The following EBF2 variants were observed in gnomAD, a reference collection of about 807,000 sequenced individuals.
The protein encoded by EBF2 is transcription factor COE2.
EBF2 carries 21 observed loss-of-function variants against 72.8 expected under a neutral mutation model. The ratio of observed to expected loss-of-function variants is 0.29; its 90% CI spans 0.20 to 0.42. The LOEUF is 0.42. Among genes scored for constraint, EBF2 ranks in the 10% least tolerant of loss-of-function variants. The pLI is 1.00. For synonymous variants in EBF2, 299 were observed against 274.2 expected (o/e 1.09, Z -0.89); for missense variants, 637 against 731.2 (o/e 0.87, Z 1.49).
intron 6 of EBF2, among the ~76,000 whole-genome samples, chr8:25,954,419 C>G (rs548901133): frequency 6.6e-6 from 1 of 152,226 alleles, no homozygotes; most frequent in Non-Finnish European, 1.5e-5. Context: ...CCCATTCCTA[C>G]TTCGTTGGGT....
At chr8:26,018,029 T>C (rs1254223416) in intron 6 of EBF2, among the ~76,000 whole-genome samples, 1 of 151,780 alleles carries the variant, frequency 6.6e-6, no homozygotes, top group Non-Finnish European at 1.5e-5. Context: ...TCTTTGGTAC[T>C]TCATAGAAGG....
intron 6 of EBF2, among the ~76,000 whole-genome samples, chr8:25,950,568 T>C (rs571483567): frequency 6.6e-5 from 10 of 152,348 alleles, no homozygotes; most frequent in African/African-American, 1.4e-4. Flanking sequence ...AAGGGAACCA[T>C]TGCTGCACCT....
At chr8:25,988,179 C>G (rs1004336029) in intron 6 of EBF2, among the ~76,000 whole-genome samples, 1 of 152,122 alleles carries the variant, frequency 6.6e-6, no homozygotes, top group Non-Finnish European at 1.5e-5. Flanking sequence ...TACTCCCACC[C>G]TGGGGCTCTT....
At chr8:25,844,727 A>ATGAT in intron 15 of EBF2, 87 bp from the exon 16 acceptor site, 1 of 1,516,510 alleles carries the variant, frequency 6.6e-7, no homozygotes, top group East Asian at 2.3e-5. Flanking sequence ...GGGGATGGGA[A>ATGAT]TGATAGAGTC....
At chr8:25,851,383 CTGACATAA>C (rs1202638184) in intron 14 of EBF2, among the ~76,000 whole-genome samples, 1 of 129,160 alleles carries the variant, frequency 7.7e-6, no homozygotes, top group African/African-American at 3.3e-5. Context: ...TCGGCCTCCC[CTGACATAA>C]TGTTTAGAAA....
At chr8:26,034,513 C>G (rs1366300160) in intron 5 of EBF2, among the ~76,000 whole-genome samples, 2 of 152,150 alleles carry the variant, frequency 1.3e-5, no homozygotes, top group Non-Finnish European at 2.9e-5. Context: ...GCAAAACACT[C>G]CAGTCCAAAG....
intron 7 of EBF2, among the ~76,000 whole-genome samples, chr8:25,900,246 A>G (rs774268788): frequency 1.3e-5 from 2 of 152,208 alleles, no homozygotes; most frequent in Non-Finnish European, 2.9e-5. Context: ...ACTTGAGCCC[A>G]GGGGTTCGAG....
In EBF2 at chr8:25,908,346, A is replaced by T. The variant is rs1270667083; in HGVS notation, c.633+128T>A. On this transcript the variant is annotated intron_variant, in intron 7 of 15. Coordinates refer to ENST00000520164, the MANE Select transcript of EBF2 (RefSeq NM_022659.4). Reference sequence around the variant, plus strand: ...TAGTGGCTGAGGGTCATCGTTTACCATTGTCTTTTTTATTGTTAGGAGTAG... The same window carrying T: ...TAGTGGCTGAGGGTCATCGTTTACCTTTGTCTTTTTTATTGTTAGGAGTAG... 7.2e-6 allele frequency: 5 copies of T among 693,924 alleles called. No individual in the cohort carries two copies. In the African/African-American group the frequency reaches 9.0e-5, roughly 13 times the overall value. 43.0% of individuals were successfully genotyped at this position (693,924 alleles called of 1,614,324 possible). A position where few individuals can be genotyped will look rare whatever the true frequency, so the allele number is the denominator to read the frequency against.
intron 6 of EBF2, among the ~76,000 whole-genome samples, chr8:26,005,956 C>T (rs893414860): frequency 7.9e-5 from 12 of 152,042 alleles, no homozygotes; most frequent in African/African-American, 1.7e-4. Flanking sequence ...TCAGGGCCTC[C>T]ATGCAGCATG....
At chr8:25,896,234 G>T (rs1256642767) in intron 7 of EBF2, among the ~76,000 whole-genome samples, 1 of 152,172 alleles carries the variant, frequency 6.6e-6, no homozygotes, top group African/African-American at 2.4e-5. Flanking sequence ...AAACCTCCCC[G>T]TATGGGCCAG....
intron 6 of EBF2, among the ~76,000 whole-genome samples, chr8:25,988,197 T>C (rs1054077982): frequency 6.6e-6 from 1 of 152,098 alleles, no homozygotes; most frequent in African/African-American, 2.4e-5. Context: ...CTTCACACAG[T>C]TCTGAGAGCC....
At chr8:25,890,699 C>G (rs770853487) in intron 7 of EBF2, among the ~76,000 whole-genome samples, 4 of 152,192 alleles carry the variant, frequency 2.6e-5, no homozygotes, top group Non-Finnish European at 4.4e-5. Context: ...CCAAAATTCT[C>G]CAAAATCTAA....
At chr8:25,849,059 C>CA (rs1463874352) in intron 15 of EBF2, among the ~76,000 whole-genome samples, 2 of 152,214 alleles carry the variant, frequency 1.3e-5, no homozygotes, top group Non-Finnish European at 2.9e-5. Flanking sequence ...CACTTAGCTA[C>CA]AGGCTCAGCC....
At chr8:25,855,501 C>A (rs1466335027) in intron 14 of EBF2, among the ~76,000 whole-genome samples, 1 of 152,218 alleles carries the variant, frequency 6.6e-6, no homozygotes, top group East Asian at 1.9e-4. Flanking sequence ...TCAAACTTGA[C>A]TAAGAAGCTT....
At chr8:26,015,431 AC>A (rs1331177911) in intron 6 of EBF2, among the ~76,000 whole-genome samples, 6 of 152,276 alleles carry the variant, frequency 3.9e-5, no homozygotes, top group Admixed American at 3.9e-4. Context: ...CCCCCACATT[AC>A]TACCACAGTG....
intron 6 of EBF2, among the ~76,000 whole-genome samples, chr8:25,971,860 G>C (rs1471248120): frequency 6.6e-6 from 1 of 152,232 alleles, no homozygotes; most frequent in Non-Finnish European, 1.5e-5. Context: ...GTCTAGGGAG[G>C]CTGGTGGGAG....
At chr8:26,000,976 C>A (rs1376174369) in intron 6 of EBF2, among the ~76,000 whole-genome samples, 1 of 152,164 alleles carries the variant, frequency 6.6e-6, no homozygotes, top group Non-Finnish European at 1.5e-5. Context: ...AAAAATCAAA[C>A]CTACCTCAAC....
chr8:25,920,008 G>C (rs1803282176), intron 6 of EBF2, among the ~76,000 whole-genome samples: 2 of 151,976 alleles, frequency 1.3e-5, no homozygotes, highest in Admixed American at 6.6e-5. Flanking sequence ...CATCTAAAGA[G>C]ATTAAATGGT....
intron 6 of EBF2, among the ~76,000 whole-genome samples, chr8:25,996,210 GC>G (rs1804628216): frequency 6.6e-6 from 1 of 151,542 alleles, no homozygotes; most frequent in South Asian, 2.1e-4. Context: ...TGGGAGGATG[GC>G]TTGAGCCCAG....
Sources: gnomAD v4.1 joint callset for allele counts (sites outside exome capture counted in the v4.1 genomes callset) on GRCh38, gnomAD v4.1.1 for gene constraint, MANE v1.5 for transcripts, NCBI Gene and HGNC (gene_info 2026-07-23, HGNC 2026-07-21) for gene names.